The following CCDC88A variants were observed in gnomAD, a reference collection of about 807,000 sequenced individuals.
CCDC88A encodes the protein coiled-coil and HOOK domain protein 88A.
In CCDC88A, 54 loss-of-function variants were observed where a neutral mutation model predicts 234.3. The observed-to-expected ratio is 0.23, with a 90% confidence interval of 0.19 to 0.29. The LOEUF (loss-of-function observed/expected upper bound fraction) is 0.29, where lower values mean the gene tolerates loss of function less well. CCDC88A is among the 10% of genes least tolerant of loss of function. The pLI, the probability that CCDC88A is intolerant of heterozygous loss-of-function variation, is 1.00. For synonymous variants in CCDC88A, 753 were observed against 737.8 expected, an observed-to-expected ratio of 1.02 and a Z score of -0.33; for missense variants, 1,832 against 2,123.4, an observed-to-expected ratio of 0.86 and a Z score of 2.70.
At position 55,317,861 on chromosome 2, in the gene CCDC88A, T is replaced by C; in HGVS notation, c.3325-20A>G. The C allele has an allele frequency of 6.7e-7, 1 of 1,496,056 alleles. No individual in the cohort carries two copies. Among genetic ancestry groups the C allele is most frequent in the Non-Finnish European group, 9.1e-7 (1 of 1,101,580 alleles). 92.7% of individuals were successfully genotyped at this position (1,496,056 alleles called of 1,614,324 possible). A position where few individuals can be genotyped will look rare whatever the true frequency, so the allele number is the denominator to read the frequency against. The stretch of plus-strand genomic sequence containing the variant: ...TTCAACCTATAAGAATATATATTGT[T>C]ATCAGACATAAGAAAAACAGTTCAT... On this transcript the variant is annotated intron_variant, in intron 19 of 32. Transcript: ENST00000436346. The surrounding 1 kb of genome is among the most constrained non-coding windows in gnomAD (Gnocchi z 4.2).
At chr2:55,412,796 T>C (rs1680705759) in intron 2 of CCDC88A, among the ~76,000 whole-genome samples, 1 of 152,236 alleles carries the variant, frequency 6.6e-6, no homozygotes, top group South Asian at 2.1e-4. Flanking sequence ...GTACATACAT[T>C]ATTCTATTTG....
chr2:55,410,728 A>G (rs1468894036), intron 2 of CCDC88A, among the ~76,000 whole-genome samples: 2 of 152,108 alleles, frequency 1.3e-5, no homozygotes, highest in Non-Finnish European at 2.9e-5. Flanking sequence ...TACAAAAAAC[A>G]AAAAACAAAA....
intron 10 of CCDC88A, 95 bp downstream of exon 10, chr2:55,346,080 T>C (rs1669075793): frequency 3.7e-6 from 3 of 803,438 alleles, no homozygotes; most frequent in Non-Finnish European, 5.9e-6. Context: ...TTGTTCACCA[T>C]TTCAAGAGTT....
rs3748943 is a variant in CCDC88A, at chr2:55,419,625, T to C, written c.-546A>G. On this transcript the variant is annotated 5_prime_UTR_variant, in exon 1 of 33. Transcript: ENST00000436346. ...GCCTCCACTGCCCGCAGCCCCTCAGTACCAACAGGCAGGGCTCGCCCCTTC... is the reference window on the plus strand; with the variant it reads ...GCCTCCACTGCCCGCAGCCCCTCAGCACCAACAGGCAGGGCTCGCCCCTTC... 135,014 of 154,306 alleles carry C rather than the reference T, an allele frequency of 0.87. 59,321 individuals carry two copies. Among genetic ancestry groups the C allele is most frequent in the Admixed American group, 0.94 (14,550 of 15,560 alleles). 9.6% of individuals were successfully genotyped at this position (154,306 alleles called of 1,614,324 possible).
rs757163037 is a variant in CCDC88A, at chr2:55,334,395, C to T, written c.2426G>A (p.Arg809Lys). The T allele has an allele frequency of 1.3e-6, 2 of 1,578,544 alleles. No individual in the cohort carries two copies. The highest frequency in any genetic ancestry group is 2.0e-5 in the Admixed American group (1 of 49,926). ...ATTTTCTTTTTCCAGCTGTTCTAGTCTTTTGCTAGATATTTTTAGTTCTTC... is the reference window on the plus strand; with the variant it reads ...ATTTTCTTTTTCCAGCTGTTCTAGTTTTTTGCTAGATATTTTTAGTTCTTC... ...NLEELKISSK[R>K]LEQLEKENKS... The change falls in exon 15 of 33, where the codon AGA (arginine) becomes AAA (lysine). Residue 809 changes from arginine (R) to lysine (K), a missense_variant. Arg to Lys is a conservative substitution (Grantham distance 26). Transcript: ENST00000436346. This position sits in a 1 kb window ranked among gnomAD's most constrained non-coding sequence, Gnocchi z 6.1.
chr2:55,330,441 C>A (rs1444951376), intron 16 of CCDC88A, among the ~76,000 whole-genome samples: 5 of 151,868 alleles, frequency 3.3e-5, no homozygotes, highest in Non-Finnish European at 7.4e-5. Flanking sequence ...CCACTGCACT[C>A]CAACCTGGGT....
Position 55,316,118 on chromosome 2 carries a change from T to C in CCDC88A, c.3747-4A>G. Reference sequence around the variant, plus strand: ...TTGACTATAGGTATGATTCAGCCTATAATTAGAAATCATAGAAATATAATT... The same window carrying C: ...TTGACTATAGGTATGATTCAGCCTACAATTAGAAATCATAGAAATATAATT... On this transcript the variant is annotated splice_polypyrimidine_tract_variant and splice_region_variant and intron_variant, in intron 21 of 32. Coordinates refer to ENST00000436346, the MANE Select transcript of CCDC88A (RefSeq NM_001365480.1). The C allele has an allele frequency of 1.6e-6, 2 of 1,273,088 alleles. No homozygotes were observed. Among genetic ancestry groups the C allele is most frequent in the Non-Finnish European group, 2.2e-6 (2 of 924,008 alleles). 78.9% of individuals were successfully genotyped at this position (1,273,088 alleles called of 1,614,324 possible).
At chr2:55,341,444 G>GC (rs201180024) in intron 12 of CCDC88A, among the ~76,000 whole-genome samples, 1 of 115,444 alleles carries the variant, frequency 8.7e-6, no homozygotes, top group Non-Finnish European at 1.8e-5. Context: ...GGCACTCCCC[G>GC]CCCCCTTTTT....
At chr2:55,297,372 A>AAAT (rs1199847643) in intron 29 of CCDC88A, among the ~76,000 whole-genome samples, 1 of 104,706 alleles carries the variant, frequency 9.6e-6, no homozygotes, top group African/African-American at 4.5e-5. Flanking sequence ...TATAATATAT[A>AAAT]TTATATATAA....
At chr2:55,306,861 C>T (rs1393580196) in intron 25 of CCDC88A, among the ~76,000 whole-genome samples, 1 of 152,212 alleles carries the variant, frequency 6.6e-6, no homozygotes, top group African/African-American at 2.4e-5. Context: ...CAGGCATGAG[C>T]CACCGCGCCT....
At chr2:55,319,864 G>A (rs983353993) in intron 18 of CCDC88A, among the ~76,000 whole-genome samples, 6 of 152,066 alleles carry the variant, frequency 3.9e-5, no homozygotes, top group African/African-American at 1.4e-4. Flanking sequence ...AAACTTTAAT[G>A]TACAAAAGGT....
chr2:55,344,267 G>C, intron 11 of CCDC88A, 101 bp downstream of exon 11: 1 of 697,298 alleles, frequency 1.4e-6, no homozygotes, highest in Non-Finnish European at 2.2e-6. Flanking sequence ...CTCTGTTAAA[G>C]CCTCAAGGAC....
In CCDC88A at chr2:55,419,402, C is replaced by A; in HGVS notation, c.-323G>T. The A allele has an allele frequency of 3.1e-6, 1 of 323,256 alleles. No individual in the cohort carries two copies. The highest frequency in any genetic ancestry group is 7.3e-5 in the East Asian group (1 of 13,770). 20.0% of individuals were successfully genotyped at this position (323,256 alleles called of 1,614,324 possible). ...GGGCTGGAACCCAAGACAAAAAGCC[C>A]GTCAAGGTTGTCCAGCTCCTGGAGG... On this transcript the variant is annotated 5_prime_UTR_variant, in exon 1 of 33. Transcript: ENST00000436346.
chr2:55,328,173 A>G lies in CCDC88A; in HGVS notation c.2997+121T>C, dbSNP rs1684491627. 1 of 780,212 alleles carries G rather than the reference A, an allele frequency of 1.3e-6. No homozygotes were observed. Among genetic ancestry groups the G allele is most frequent in the African/African-American group, 1.8e-5 (1 of 56,146 alleles). 48.3% of individuals were successfully genotyped at this position (780,212 alleles called of 1,614,324 possible). A position where few individuals can be genotyped will look rare whatever the true frequency, so the allele number is the denominator to read the frequency against. ...AAGAATATTCTCAAGTTTATGAAAAAGGAAGAAATAGACTAAATATCAATA... is the reference window on the plus strand; with the variant it reads ...AAGAATATTCTCAAGTTTATGAAAAGGGAAGAAATAGACTAAATATCAATA... On this transcript the variant is annotated intron_variant, in intron 17 of 32. Coordinates refer to ENST00000436346, the MANE Select transcript of CCDC88A (RefSeq NM_001365480.1). This position sits in a 1 kb window ranked among gnomAD's most constrained non-coding sequence, Gnocchi z 4.3.
In CCDC88A at chr2:55,308,798, T is replaced by G; in HGVS notation, c.4387+11A>C. 6.2e-7 allele frequency: 1 copy of G among 1,603,056 alleles called. No individual in the cohort carries two copies. The highest frequency in any genetic ancestry group is 8.5e-7 in the Non-Finnish European group (1 of 1,170,100). ...AAATCAATACGATGTTTAAAGAGTT[T>G]AAGCACTCACTGCTGCTTTTCTTGG... On this transcript the variant is annotated intron_variant, in intron 25 of 32. Coordinates refer to ENST00000436346, the MANE Select transcript of CCDC88A (RefSeq NM_001365480.1).
intron 12 of CCDC88A, among the ~76,000 whole-genome samples, chr2:55,343,444 T>C (rs1668738085): frequency 6.6e-6 from 1 of 152,098 alleles, no homozygotes; most frequent in Non-Finnish European, 1.5e-5. Flanking sequence ...TGTTATTGCA[T>C]TCATGAAATT....
At chr2:55,302,886 CAT>C in intron 26 of CCDC88A, 181 bp downstream of exon 26, 1 of 518,882 alleles carries the variant, frequency 1.9e-6, no homozygotes, top group East Asian at 3.1e-5. Flanking sequence ...TATCAGTGGA[CAT>C]ATACATAATG....
Position 55,418,866 on chromosome 2 carries a change from T to C in CCDC88A, c.114A>G (p.Glu38=), listed in dbSNP as rs1681888100. 1 of 1,614,138 alleles carries C rather than the reference T, an allele frequency of 6.2e-7. No individual in the cohort carries two copies. The highest frequency in any genetic ancestry group is 8.5e-7 in the Non-Finnish European group (1 of 1,180,008). ...ATACCCCATCCACCAAAGCCACATA[T>C]TCATCAAGGTTGGTCCCATTTCCTG... ...LAAGNGTNLD[E]YVALVDGVFL... The change falls in exon 2 of 33, where the codon GAA becomes GAG. Residue 38 remains glutamate (E), a synonymous_variant. Transcript: ENST00000436346.
intron 2 of CCDC88A, among the ~76,000 whole-genome samples, chr2:55,414,921 GC>G (rs1681103318): frequency 6.6e-6 from 1 of 151,952 alleles, no homozygotes; most frequent in South Asian, 2.1e-4. Context: ...CAAAAAATTA[GC>G]CAGGCGTGGT....
Sources: allele counts gnomAD v4.1 joint callset (sites outside exome capture counted in the v4.1 genomes callset), GRCh38; gene constraint gnomAD v4.1.1; non-coding constraint Gnocchi (gnomAD v3.1); transcripts MANE v1.5; gene names NCBI Gene and HGNC (gene_info 2026-07-23, HGNC 2026-07-21).